PDE1C: variants seen among roughly 807,000 people sequenced by gnomAD.
PDE1C encodes dual specificity calcium/calmodulin-dependent 3',5'-cyclic nucleotide phosphodiesterase 1C.
Under a neutral mutation model 93.1 loss-of-function variants are expected in PDE1C, and 62 were observed. The ratio of observed to expected loss-of-function variants is 0.67; its 90% CI spans 0.54 to 0.82. The LOEUF is 0.82. Among genes scored for constraint, PDE1C ranks in the 40% least tolerant of loss-of-function variants. The pLI is 0.00. For missense variants in PDE1C, 742 were observed against 884.6 expected (o/e 0.84, Z 2.04); for synonymous variants, 325 against 310.1 (o/e 1.05, Z -0.50).
At chr7:32,023,803 A>G (rs1028661201) in intron 2 of PDE1C, among the ~76,000 whole-genome samples, 3 of 152,150 alleles carry the variant, frequency 2.0e-5, no homozygotes, top group Admixed American at 2.0e-4. Flanking sequence ...AAGTGTTACC[A>G]TGATGGCACA....
chr7:32,288,068 C>T (rs1029128047), intron 1 of PDE1C, among the ~76,000 whole-genome samples: 4 of 152,154 alleles, frequency 2.6e-5, no homozygotes, highest in Non-Finnish European at 5.9e-5. Flanking sequence ...GCAGGAGAAT[C>T]ACTTGAACCC....
At chr7:32,057,908 T>C (rs564118957) in intron 1 of PDE1C, among the ~76,000 whole-genome samples, 1 of 152,246 alleles carries the variant, frequency 6.6e-6, no homozygotes, top group South Asian at 2.1e-4. Flanking sequence ...CGATTAAACA[T>C]TGATGCTAAA....
At chr7:31,838,083 T>A in intron 9 of PDE1C, 112 bp from the exon 10 acceptor site, 1 of 719,518 alleles carries the variant, frequency 1.4e-6, no homozygotes, top group South Asian at 1.6e-5. Context: ...TTCTGACATT[T>A]CTAATCTAAT....
At chr7:32,248,481 C>G (rs1183499258) in intron 1 of PDE1C, among the ~76,000 whole-genome samples, 2 of 152,166 alleles carry the variant, frequency 1.3e-5, no homozygotes, top group Non-Finnish European at 2.9e-5. Flanking sequence ...GAAATAGCAG[C>G]TTGATTCAGT....
At position 32,309,323 on chromosome 7, in the gene PDE1C, C is replaced by G. The variant is rs181776162; in HGVS notation, c.311-99784G>C. ...GAATGGAACCAAGTTGGAAAACACT[C>G]TGCAGGATATTATCCAGGAGAACTT... is the stretch of plus-strand genomic sequence containing the variant. On this transcript the variant is annotated intron_variant, in intron 1 of 1. Transcript: ENST00000672256. Among the ~76,000 whole-genome samples the G allele has an allele frequency of 2.4e-4, 36 of 152,318 alleles. No individual in the cohort carries two copies. The East Asian group carries it at 6.6e-3, about 28-fold the overall frequency.
At chr7:31,915,065 A>T (rs1801709138) in intron 2 of PDE1C, among the ~76,000 whole-genome samples, 1 of 152,178 alleles carries the variant, frequency 6.6e-6, no homozygotes, top group Non-Finnish European at 1.5e-5. Context: ...CATTTATTTC[A>T]AATATTCACT....
intron 1 of PDE1C, among the ~76,000 whole-genome samples, chr7:32,218,097 T>G (rs527297336): frequency 6.6e-6 from 1 of 152,236 alleles, no homozygotes; most frequent in South Asian, 2.1e-4. Flanking sequence ...TGAAATCCAG[T>G]CCCTTGTCTC....
chr7:31,626,245 A>C, the PDE1C span, among the ~76,000 whole-genome samples: 1 of 152,244 alleles, frequency 6.6e-6, no homozygotes, highest in Non-Finnish European at 1.5e-5. Flanking sequence ...AAGTAATGAA[A>C]TATACTTTGT....
At chr7:32,233,891 A>G (rs1366251399) in intron 1 of PDE1C, among the ~76,000 whole-genome samples, 1 of 152,062 alleles carries the variant, frequency 6.6e-6, no homozygotes, top group East Asian at 1.9e-4. Context: ...GATAGACTAA[A>G]TCATGGGTCA....
chr7:31,773,986 A>T (rs1795667795), intron 17 of PDE1C, among the ~76,000 whole-genome samples: 1 of 152,226 alleles, frequency 6.6e-6, no homozygotes, highest in Non-Finnish European at 1.5e-5. Flanking sequence ...AGAGGCAAGA[A>T]AAGTTCAAGG....
chr7:32,027,471 C>A (rs1789594655), intron 2 of PDE1C, among the ~76,000 whole-genome samples: 1 of 151,138 alleles, frequency 6.6e-6, no homozygotes, highest in South Asian at 2.1e-4. Context: ...TAAATAGATA[C>A]CAAGTTATAG....
intron 3 of PDE1C, among the ~76,000 whole-genome samples, chr7:32,114,282 C>A (rs1336036269): frequency 6.6e-6 from 1 of 151,988 alleles, no homozygotes; most frequent in African/African-American, 2.4e-5. Context: ...ACATATATAC[C>A]AACGGAACAG....
chr7:32,130,217 C>T (rs1359425276), intron 3 of PDE1C, among the ~76,000 whole-genome samples: 4 of 151,920 alleles, frequency 2.6e-5, no homozygotes, highest in Non-Finnish European at 4.4e-5. Context: ...ACTATCTTTC[C>T]CTCTCACTGC....
chr7:31,987,180 C>T (rs765141803), intron 2 of PDE1C, among the ~76,000 whole-genome samples: 2 of 151,944 alleles, frequency 1.3e-5, no homozygotes, highest in Non-Finnish European at 2.9e-5. Context: ...TTTAGTGGAG[C>T]GGTGTTTTTA....
At chr7:32,047,815 C>A (rs914195567) in intron 2 of PDE1C, among the ~76,000 whole-genome samples, 1 of 151,982 alleles carries the variant, frequency 6.6e-6, no homozygotes, top group Admixed American at 6.6e-5. Flanking sequence ...ATTTTTGTAT[C>A]CTGGGCTGTC....
chr7:32,147,305 A>AAAGAAAGAAAGAAAG lies in PDE1C; in HGVS notation c.308+22465_308+22479dup, dbSNP rs1800943492. Among the ~76,000 whole-genome samples, 2 of 107,958 alleles carry AAAGAAAGAAAGAAAG rather than the reference A, an allele frequency of 1.9e-5. 1 individual carries two copies. The highest frequency in any genetic ancestry group is 1.8e-4 in the Admixed American group (2 of 10,952). The allele number at this position is 107,958 out of a possible 152,430, so 70.8% of individuals were successfully genotyped here. A position where few individuals can be genotyped will look rare whatever the true frequency, so the allele number is the denominator to read the frequency against. ...GAAAGAAAGAAAGAAAGAAAGAAAG[A>AAAGAAAGAAAGAAAG]AAGAAAGAAAGAAAGAAAGAAAGAA... is the stretch of plus-strand genomic sequence containing the variant. On this transcript the variant is annotated intron_variant, in intron 3 of 18. Coordinates refer to the PDE1C transcript ENST00000396193.
At chr7:32,024,235 C>A (rs1230541335) in intron 2 of PDE1C, among the ~76,000 whole-genome samples, 1 of 151,830 alleles carries the variant, frequency 6.6e-6, no homozygotes, top group Admixed American at 6.6e-5. Context: ...GTATAACCAT[C>A]CCTGGTCAAT....
Position 31,945,158 on chromosome 7 carries a change from C to G in PDE1C, c.129-64298G>C, listed in dbSNP as rs59778559. Among the ~76,000 whole-genome samples, 1,404 of 152,240 alleles carry G rather than the reference C, an allele frequency of 9.2e-3. 15 individuals carry two copies. The highest frequency in any genetic ancestry group is 0.029 in the African/African-American group (1,223 of 41,552). On this transcript the variant is annotated intron_variant, in intron 2 of 17. Transcript: ENST00000396191. ...TCCAAGGACCTTATAACAGAGTATT[C>G]CCAATAAGCTGCTCTCATCCCATAG...
intron 1 of PDE1C, among the ~76,000 whole-genome samples, chr7:32,069,782 A>G (rs1222899686): frequency 6.6e-6 from 1 of 152,064 alleles, no homozygotes; most frequent in African/African-American, 2.4e-5. Context: ...ACATTTCTCC[A>G]CCAAAAAGAA....
Sources: allele counts gnomAD v4.1 joint callset (sites outside exome capture counted in the v4.1 genomes callset), GRCh38; gene constraint gnomAD v4.1.1; transcripts MANE v1.5; gene names NCBI Gene and HGNC (gene_info 2026-07-23, HGNC 2026-07-21).